The following NTNG1 variants were observed in gnomAD, a reference collection of about 807,000 sequenced individuals.
NTNG1 encodes netrin G1.
In NTNG1, 16 loss-of-function variants were observed where a neutral mutation model predicts 54.0. The ratio of observed to expected loss-of-function variants is 0.30; its 90% CI spans 0.20 to 0.45. The LOEUF is 0.45. Among genes scored for constraint, NTNG1 ranks in the 20% least tolerant of loss-of-function variants. NTNG1 has a pLI of 1.00. For synonymous variants in NTNG1, 255 were observed against 263.1 expected, an observed-to-expected ratio of 0.97 and a Z score of 0.30; for missense variants, 530 against 678.7, an observed-to-expected ratio of 0.78 and a Z score of 2.43.
chr1:107,432,511 C>T (rs1225281517), intron 6 of NTNG1, among the ~76,000 whole-genome samples: 1 of 152,060 alleles, frequency 6.6e-6, no homozygotes, highest in Non-Finnish European at 1.5e-5. Context: ...AACAGAAGTT[C>T]AATTGTCTTC....
At chr1:107,428,479 C>T (rs1675040428) in intron 5 of NTNG1, among the ~76,000 whole-genome samples, 1 of 152,108 alleles carries the variant, frequency 6.6e-6, no homozygotes. Context: ...ATAAAAGATG[C>T]TTTTGAACAA....
At chr1:107,439,263 T>A (rs1675804115) in intron 7 of NTNG1, among the ~76,000 whole-genome samples, 1 of 145,666 alleles carries the variant, frequency 6.9e-6, no homozygotes, top group African/African-American at 2.6e-5. Flanking sequence ...TAACACACTG[T>A]GTTCCAGAAC....
At chr1:107,148,941 A>G in intron 2 of NTNG1, 102 bp downstream of exon 2, 3 of 1,186,496 alleles carry the variant, frequency 2.5e-6, no homozygotes, top group Non-Finnish European at 2.4e-6. Flanking sequence ...AATAAGTTGA[A>G]TCTGCAGGTG....
intron 2 of NTNG1, among the ~76,000 whole-genome samples, chr1:107,323,032 TA>T (rs2101874328): frequency 6.6e-6 from 1 of 151,584 alleles, no homozygotes; most frequent in South Asian, 2.1e-4. Context: ...TGTCAGTGTC[TA>T]AAGTGTAAAT....
chr1:107,156,084 T>A (rs1570723929), intron 2 of NTNG1, among the ~76,000 whole-genome samples: 1 of 152,214 alleles, frequency 6.6e-6, no homozygotes, highest in African/African-American at 2.4e-5. Flanking sequence ...GATCACCTAA[T>A]GACACATTTC....
intron 3 of NTNG1, among the ~76,000 whole-genome samples, chr1:107,388,435 C>T (rs1672153035): frequency 6.6e-6 from 1 of 152,208 alleles, no homozygotes; most frequent in African/African-American, 2.4e-5. Context: ...GGCAGGCTGC[C>T]CATGGTCTAA....
At chr1:107,248,238 A>G (rs1323645965) in intron 2 of NTNG1, among the ~76,000 whole-genome samples, 3 of 152,178 alleles carry the variant, frequency 2.0e-5, no homozygotes, top group African/African-American at 7.2e-5. Flanking sequence ...TTTGTTAACC[A>G]GATCATTCTG....
intron 3 of NTNG1, among the ~76,000 whole-genome samples, chr1:107,356,448 C>T (rs1669937555): frequency 6.6e-6 from 1 of 151,940 alleles, no homozygotes; most frequent in African/African-American, 2.4e-5. Context: ...CGCCCACCAC[C>T]ACACCTGGCT....
rs182594257 is a variant in NTNG1 at position 107,475,231 on chromosome 1, G to A, written c.1391-5380G>A. ...GGGAAAGTCAGCTATGTTTTGAGGA[G>A]CATGGAATGTGGCACTGTGCAATAT... On this transcript the variant is annotated intron_variant, in intron 7 of 7. Coordinates refer to ENST00000370068, the MANE Select transcript of NTNG1 (RefSeq NM_001113226.3). Among the ~76,000 whole-genome samples, 996 of 152,280 alleles carry A rather than the reference G, an allele frequency of 6.5e-3. 6 individuals are homozygous for A. The highest frequency in any genetic ancestry group is 0.011 in the Non-Finnish European group (755 of 68,020).
intron 4 of NTNG1, among the ~76,000 whole-genome samples, chr1:107,406,021 G>A (rs960227690): frequency 2.0e-5 from 3 of 152,084 alleles, no homozygotes; most frequent in African/African-American, 7.2e-5. Context: ...TGGAAATTTG[G>A]ATTTCTAGTT....
At chr1:107,265,221 C>G (rs1663652244) in intron 2 of NTNG1, among the ~76,000 whole-genome samples, 1 of 151,952 alleles carries the variant, frequency 6.6e-6, no homozygotes, top group South Asian at 2.1e-4. Flanking sequence ...AAAATTTATA[C>G]CAAATCAGTA....
At chr1:107,435,286 G>A (rs1675527883) in intron 6 of NTNG1, among the ~76,000 whole-genome samples, 1 of 152,030 alleles carries the variant, frequency 6.6e-6, no homozygotes, top group Non-Finnish European at 1.5e-5. Flanking sequence ...TTTTTAATCT[G>A]CTTCCATATA....
chr1:107,425,225 T>G (rs1674821799), intron 5 of NTNG1, among the ~76,000 whole-genome samples: 1 of 152,158 alleles, frequency 6.6e-6, no homozygotes, highest in African/African-American at 2.4e-5. Context: ...CATGTGCTTG[T>G]GTGTTTCATG....
intron 2 of NTNG1, among the ~76,000 whole-genome samples, chr1:107,294,731 A>G (rs530092385): frequency 6.6e-6 from 1 of 152,132 alleles, no homozygotes; most frequent in Admixed American, 6.6e-5. Context: ...TGCTTTACAG[A>G]GATTAGTGAG....
chr1:107,355,071 G>T (rs1669856758), intron 3 of NTNG1, among the ~76,000 whole-genome samples: 2 of 151,988 alleles, frequency 1.3e-5, no homozygotes, highest in Non-Finnish European at 2.9e-5. Flanking sequence ...TTAGTGAACA[G>T]ATATTTTATT....
intron 5 of NTNG1, among the ~76,000 whole-genome samples, chr1:107,422,472 A>G (rs548741849): frequency 3.3e-5 from 5 of 152,198 alleles, no homozygotes; most frequent in African/African-American, 9.6e-5. Flanking sequence ...CACAGCACCA[A>G]TGAGGTCCAG....
At chr1:107,327,254 ATTTTTAGTC>A (rs1034239940) in intron 3 of NTNG1, among the ~76,000 whole-genome samples, 1 of 152,076 alleles carries the variant, frequency 6.6e-6, no homozygotes, top group Admixed American at 6.6e-5. Flanking sequence ...TGGCTGGAGT[ATTTTTAGTC>A]TTAGGGGAGG....
chr1:107,151,462 A>G (rs1570713074), intron 2 of NTNG1, among the ~76,000 whole-genome samples: 1 of 152,096 alleles, frequency 6.6e-6, no homozygotes, highest in African/African-American at 2.4e-5. Flanking sequence ...CAGAGTCATT[A>G]TGGCCTATTA....
chr1:107,222,073 C>A (rs1000769626), intron 2 of NTNG1, among the ~76,000 whole-genome samples: 4 of 151,742 alleles, frequency 2.6e-5, no homozygotes, highest in Non-Finnish European at 5.9e-5. Flanking sequence ...TTTGAATCTC[C>A]TTCTCTTCAC....
Sources: gnomAD v4.1 joint callset for allele counts (sites outside exome capture counted in the v4.1 genomes callset) on GRCh38, gnomAD v4.1.1 for gene constraint, MANE v1.5 for transcripts, NCBI Gene and HGNC (gene_info 2026-07-23, HGNC 2026-07-21) for gene names.